The following ATRN variants were observed in gnomAD, a reference collection of about 807,000 sequenced individuals.
ATRN encodes the protein attractin, also known as attractin-2.
Under a neutral mutation model 178.7 loss-of-function variants are expected in ATRN, and 54 were observed. The observed-to-expected ratio is 0.30, with a 90% CI of 0.24 to 0.38. ATRN has a LOEUF of 0.38. Among genes scored for constraint, ATRN ranks in the 10% least tolerant of loss-of-function variants. ATRN has a pLI of 1.00. For missense variants in ATRN, 1,443 were observed against 1,815.1 expected, an observed-to-expected ratio of 0.79 and a Z score of 3.73; for synonymous variants, 636 against 663.0, an observed-to-expected ratio of 0.96 and a Z score of 0.63.
intron 18 of ATRN, 144 bp from the exon 19 acceptor site, chr20:3,591,025 T>C (rs2086434450): frequency 2.3e-6 from 2 of 882,404 alleles, no homozygotes; most frequent in Non-Finnish European, 3.2e-6. Context: ...TTATCTTATT[T>C]CTCAAATTAG....
chr20:3,531,797 A>AAACAAC lies in ATRN; in HGVS notation c.411-3435_411-3430dup, dbSNP rs144998439. 4.0e-5 allele frequency among the ~76,000 whole-genome samples: 6 copies of AAACAAC among 151,832 alleles called. No homozygotes were observed. The East Asian group carries it at 7.7e-4, about 20-fold the overall frequency. ...TCAGAGTAACTGGGGAAGTGGGTTAAAACAACAACAACAACAACAACAACA... is the reference window on the plus strand; with the variant it reads ...TCAGAGTAACTGGGGAAGTGGGTTAAAACAACAACAACAACAACAACAACAACAACA... On this transcript the variant is annotated intron_variant, in intron 1 of 28. Transcript: ENST00000262919.
chr20:3,569,780 T>A (rs1321439594), intron 11 of ATRN, among the ~76,000 whole-genome samples: 1 of 152,192 alleles, frequency 6.6e-6, no homozygotes, highest in South Asian at 2.1e-4. Flanking sequence ...ATTACACTTT[T>A]ATTCTTTAAG....
At chr20:3,585,774 A>G (rs1256251932) in intron 18 of ATRN, among the ~76,000 whole-genome samples, 1 of 152,228 alleles carries the variant, frequency 6.6e-6, no homozygotes, top group Non-Finnish European at 1.5e-5. Flanking sequence ...TAAGAAATGG[A>G]TAAAGGATTT....
chr20:3,615,904 G>T, intron 24 of ATRN: 1 of 443,188 alleles, frequency 2.3e-6, no homozygotes, highest in Non-Finnish European at 4.6e-6. Flanking sequence ...GGGGTGGGGG[G>T]AAGGGGAAGG....
chr20:3,524,163 A>T (rs147463266), intron 1 of ATRN, among the ~76,000 whole-genome samples: 5 of 152,054 alleles, frequency 3.3e-5, no homozygotes, highest in African/African-American at 1.2e-4. Flanking sequence ...TAGGAGACCC[A>T]ACTCATGTGC....
intron 22 of ATRN, among the ~76,000 whole-genome samples, chr20:3,600,585 A>G (rs1361457257): frequency 6.6e-6 from 1 of 152,146 alleles, no homozygotes; most frequent in East Asian, 1.9e-4. Flanking sequence ...TGAACTTCAG[A>G]CATTTGAAAA....
intron 1 of ATRN, among the ~76,000 whole-genome samples, chr20:3,488,809 G>A (rs1016497386): frequency 3.9e-5 from 6 of 152,164 alleles, no homozygotes; most frequent in African/African-American, 7.2e-5. Flanking sequence ...GGAGTGAATT[G>A]ACAGCTTTTA....
chr20:3,513,066 C>G (rs933846084), intron 1 of ATRN, among the ~76,000 whole-genome samples: 1 of 152,150 alleles, frequency 6.6e-6, no homozygotes, highest in Non-Finnish European at 1.5e-5. Context: ...GTTTCCTGTT[C>G]ACTCTGATGG....
At chr20:3,479,924 C>T (rs1035377715) in intron 1 of ATRN, among the ~76,000 whole-genome samples, 7 of 152,170 alleles carry the variant, frequency 4.6e-5, no homozygotes, top group Admixed American at 6.5e-5. Flanking sequence ...ATGACATCAT[C>T]GTAACTTTGT....
rs142929276 is a variant in ATRN, at chr20:3,562,439, T to C, written c.1611T>C (p.Tyr537=). ...KYRLADDLYR[Y]DVDTQMWTIL... Reference sequence around the variant, plus strand: ...GGCTTGCAGATGATCTCTACCGATATGATGTGGATACCCAGATGTGGTGGG... The same window carrying C: ...GGCTTGCAGATGATCTCTACCGATACGATGTGGATACCCAGATGTGGTGGG... Residue 537 remains tyrosine (Y), a synonymous_variant, in exon 9 of 29, where the codon TAT becomes TAC. Transcript: ENST00000262919. 11 of 1,613,966 alleles carry C rather than the reference T, an allele frequency of 6.8e-6. No homozygotes were observed. In the African/African-American group the frequency reaches 1.2e-4, roughly 18 times the overall value.
In ATRN at chr20:3,576,981, G is replaced by A. The variant is rs979754642; in HGVS notation, c.2337G>A (p.Glu779=). ...QNCQWEPRNQ[E]CIALPENICG... ...GCCAGTGGGAGCCCCGGAATCAGGAGTGCATTGCCCTGCCCGGTAGGCCTT... is the reference window on the plus strand; with the variant it reads ...GCCAGTGGGAGCCCCGGAATCAGGAATGCATTGCCCTGCCCGGTAGGCCTT... The change falls in exon 14 of 29, where the codon GAG becomes GAA. Residue 779 remains glutamate, a synonymous_variant. Transcript: ENST00000262919. 1.2e-6 allele frequency: 2 copies of A among 1,613,932 alleles called. No homozygotes were observed. The highest frequency in any genetic ancestry group is 1.3e-5 in the African/African-American group (1 of 74,894).
chr20:3,591,909 G>A (rs1485952791), intron 19 of ATRN, among the ~76,000 whole-genome samples: 1 of 152,174 alleles, frequency 6.6e-6, no homozygotes. Flanking sequence ...ACATGTGAAG[G>A]AGCGTGACCC....
intron 18 of ATRN, among the ~76,000 whole-genome samples, chr20:3,589,180 A>G (rs920054104): frequency 6.6e-6 from 1 of 151,494 alleles, no homozygotes; most frequent in African/African-American, 2.4e-5. Context: ...TGCTTTTTTT[A>G]GTAGAGACAG....
chr20:3,584,801 T>G lies in ATRN; in HGVS notation c.3105T>G (p.Asn1035Lys), dbSNP rs750356810. 1.2e-6 allele frequency: 2 copies of G among 1,614,188 alleles called. No homozygotes were observed. The highest frequency in any genetic ancestry group is 8.5e-7 in the Non-Finnish European group (1 of 1,180,026). The change falls in exon 18 of 29, where the codon AAT (asparagine) becomes AAG (lysine). Residue 1035 changes from asparagine to lysine, a missense_variant. Physicochemically the swap from Asn to Lys is moderately conservative, Grantham distance 94. Around this residue, in one of 4 missense-constraint regions of ATRN, gnomAD observed 80 missense variants for 71.5 expected, o/e 1.12. Transcript: ENST00000262919. ...TGCCTTCGCAAGCCCCTACAGGAAA[T>G]TTCTATCCACAGCCCCTGCTCAATT... is the stretch of plus-strand genomic sequence containing the variant. ...VKMPSQAPTG[N>K]FYPQPLLNSS... is the part of the protein sequence containing the mutation.
intron 1 of ATRN, among the ~76,000 whole-genome samples, chr20:3,519,008 A>T (rs73089234): frequency 0.046 from 5,332 of 116,338 alleles, 224 homozygotes; most frequent in Non-Finnish European, 0.077. Context: ...CTTATATATA[A>T]AAAAAAAAAA....
At position 3,471,093 on chromosome 20, in the gene ATRN, C is replaced by G. The variant is rs780544074; in HGVS notation, c.-15C>G. On this transcript the variant is annotated 5_prime_UTR_variant, in exon 1 of 29. Coordinates refer to ENST00000262919, the MANE Select transcript of ATRN (RefSeq NM_139321.3). ...TGTGTATGTGTTCGCGGGGCGCCGTCTCAGCCCCGGGAAGATGGTGGCTGC... is the reference window on the plus strand; with the variant it reads ...TGTGTATGTGTTCGCGGGGCGCCGTGTCAGCCCCGGGAAGATGGTGGCTGC... The G allele has an allele frequency of 4.0e-5, 61 of 1,508,198 alleles. 1 individual carries two copies. Among genetic ancestry groups the G allele is most frequent in the African/African-American group, 1.0e-4 (7 of 69,620 alleles). 93.4% of individuals were successfully genotyped at this position (1,508,198 alleles called of 1,614,324 possible).
rs1456833010 is a variant in ATRN at position 3,576,762 on chromosome 20, C to T, written c.2215-97C>T. On this transcript the variant is annotated intron_variant, in intron 13 of 28. Coordinates refer to ENST00000262919, the MANE Select transcript of ATRN (RefSeq NM_139321.3). The stretch of plus-strand genomic sequence containing the variant: ...CTATCTATTTATTTGCAGTTTGCTT[C>T]CTCAATTAGATTTTGTTGTCTATAA... 3 of 1,181,862 alleles carry T rather than the reference C, an allele frequency of 2.5e-6. No homozygotes were observed. In the African/African-American group the frequency reaches 4.8e-5, roughly 19 times the overall value. 73.2% of individuals were successfully genotyped at this position (1,181,862 alleles called of 1,614,324 possible).
intron 1 of ATRN, among the ~76,000 whole-genome samples, chr20:3,524,909 G>A (rs1347734837): frequency 6.6e-6 from 1 of 152,192 alleles, no homozygotes; most frequent in African/African-American, 2.4e-5. Flanking sequence ...CCAAAGCAGT[G>A]TTTAGAGGGA....
chr20:3,578,462 T>C (rs2086240720), intron 14 of ATRN, 120 bp from the exon 15 acceptor site: 1 of 857,480 alleles, frequency 1.2e-6, no homozygotes. Context: ...CACATCCTAA[T>C]GAAGTACCTA....
Sources: gnomAD v4.1 joint callset for allele counts (sites outside exome capture counted in the v4.1 genomes callset) on GRCh38, gnomAD v4.1.1 for gene constraint, gnomAD v4.1.1 regional missense constraint, MANE v1.5 for transcripts, NCBI Gene and HGNC (gene_info 2026-07-23, HGNC 2026-07-21) for gene names.